SUMF1: variants seen among roughly 807,000 people sequenced by gnomAD.
SUMF1 encodes the protein sulfatase modifying factor 1.
SUMF1 carries 48 observed loss-of-function variants against 47.6 expected under a neutral mutation model. The observed-to-expected ratio is 1.01, with a 90% CI of 0.80 to 1.28. The LOEUF is 1.28. SUMF1 is among the 50% of genes most tolerant of loss of function. The pLI is 0.00. For missense variants in SUMF1, 571 were observed against 485.4 expected (o/e 1.18, Z -1.66); for synonymous variants, 230 against 192.1 (o/e 1.20, Z -1.63).
At chr3:4,176,924 G>A (rs548764409) in intron 8 of SUMF1, among the ~76,000 whole-genome samples, 3 of 152,180 alleles carry the variant, frequency 2.0e-5, no homozygotes, top group African/African-American at 7.2e-5. Flanking sequence ...AACCAACAAA[G>A]ATCAAAAGAG....
At chr3:4,173,211 T>C (rs978195434) in intron 8 of SUMF1, among the ~76,000 whole-genome samples, 10 of 152,210 alleles carry the variant, frequency 6.6e-5, no homozygotes, top group African/African-American at 2.4e-4. Context: ...CATTGCTCTA[T>C]ATATCTCTTT....
At chr3:4,319,951 C>T (rs1187688787) in intron 8 of SUMF1, among the ~76,000 whole-genome samples, 1 of 151,970 alleles carries the variant, frequency 6.6e-6, no homozygotes, top group Non-Finnish European at 1.5e-5. Context: ...CTGGAAAAGA[C>T]AAAACAATAG....
intron 8 of SUMF1, among the ~76,000 whole-genome samples, chr3:4,304,332 G>C (rs966463210): frequency 2.0e-5 from 3 of 152,146 alleles, no homozygotes. Context: ...AGTAGAGACA[G>C]GGTTTCTCCA....
intron 8 of SUMF1, among the ~76,000 whole-genome samples, chr3:4,164,377 C>A (rs901634736): frequency 1.3e-5 from 2 of 152,136 alleles, no homozygotes; most frequent in Non-Finnish European, 2.9e-5. Flanking sequence ...CATGAGCTGG[C>A]GCTTACCCCA....
chr3:4,405,128 G>A (rs181703895), intron 7 of SUMF1, among the ~76,000 whole-genome samples: 1 of 152,164 alleles, frequency 6.6e-6, no homozygotes, highest in African/African-American at 2.4e-5. Flanking sequence ...GAGTTTAGAG[G>A]ATCTAAAAAA....
At chr3:4,347,215 G>A (rs778455701) in intron 8 of SUMF1, among the ~76,000 whole-genome samples, 15 of 152,034 alleles carry the variant, frequency 9.9e-5, no homozygotes, top group Non-Finnish European at 1.9e-4. Context: ...CCAAAACCGG[G>A]AAGAGACACT....
chr3:4,215,325 G>C (rs1479513057), intron 8 of SUMF1, among the ~76,000 whole-genome samples: 2 of 152,062 alleles, frequency 1.3e-5, no homozygotes, highest in African/African-American at 4.8e-5. Context: ...ATGCAGAAAA[G>C]GTCTTCAATA....
chr3:4,195,828 T>C (rs1695415260), intron 8 of SUMF1, among the ~76,000 whole-genome samples: 1 of 152,042 alleles, frequency 6.6e-6, no homozygotes, highest in Admixed American at 6.6e-5. Flanking sequence ...AGAAATAAAC[T>C]AAGAATCCTA....
At chr3:4,046,163 C>A (rs760080612) in intron 9 of SUMF1, among the ~76,000 whole-genome samples, 1 of 152,168 alleles carries the variant, frequency 6.6e-6, no homozygotes, top group Non-Finnish European at 1.5e-5. Context: ...TAGCTCAGGT[C>A]TTACCTAAAT....
intron 8 of SUMF1, among the ~76,000 whole-genome samples, chr3:4,166,896 G>A (rs994943852): frequency 6.6e-6 from 1 of 152,076 alleles, no homozygotes. Flanking sequence ...TGGTTAGAGA[G>A]CCCTTTCCCA....
At chr3:4,269,066 G>T (rs973629503) in intron 8 of SUMF1, among the ~76,000 whole-genome samples, 1 of 151,798 alleles carries the variant, frequency 6.6e-6, no homozygotes, top group African/African-American at 2.4e-5. Flanking sequence ...CATACCTCTG[G>T]AAACACCACC....
chr3:4,048,314 T>G (rs1022291481), intron 9 of SUMF1, among the ~76,000 whole-genome samples: 1 of 152,136 alleles, frequency 6.6e-6, no homozygotes, highest in African/African-American at 2.4e-5. Context: ...TAATAGCATA[T>G]ACGGTATGCA....
At chr3:4,199,355 C>T in intron 8 of SUMF1, among the ~76,000 whole-genome samples, 1 of 152,112 alleles carries the variant, frequency 6.6e-6, no homozygotes, top group Middle Eastern at 3.2e-3. Flanking sequence ...ATTACTTAGA[C>T]CACATTTTAG....
intron 3 of SUMF1, among the ~76,000 whole-genome samples, chr3:4,421,207 G>A (rs182423550): frequency 1.1e-4 from 16 of 152,124 alleles, no homozygotes; most frequent in Non-Finnish European, 8.8e-5. Flanking sequence ...TGCTGTTCAC[G>A]GTGTGACCCT....
At chr3:4,341,977 G>A (rs375658043) in intron 8 of SUMF1, among the ~76,000 whole-genome samples, 1 of 152,134 alleles carries the variant, frequency 6.6e-6, no homozygotes, top group East Asian at 1.9e-4. Context: ...ACTTTAGCAC[G>A]AATCCAATTT....
chr3:4,306,471 T>C (rs1005646479), intron 8 of SUMF1, among the ~76,000 whole-genome samples: 3 of 152,162 alleles, frequency 2.0e-5, no homozygotes, highest in African/African-American at 7.2e-5. Flanking sequence ...TGGGCATAAA[T>C]GAAAATTGGG....
In SUMF1 at chr3:4,157,786, C is replaced by G. The variant is rs567772018; in HGVS notation, c.1015-89041G>C. Among the ~76,000 whole-genome samples, 9 of 151,534 alleles carry G rather than the reference C, an allele frequency of 5.9e-5. 1 individual carries two copies. The South Asian group carries it at 8.3e-4, about 14-fold the overall frequency. ...ACAGACAGGCATCTATTAGTAATTACTTTTATTACAACAGACATAGGCTGT... is the reference window on the plus strand; with the variant it reads ...ACAGACAGGCATCTATTAGTAATTAGTTTTATTACAACAGACATAGGCTGT... On this transcript the variant is annotated intron_variant and NMD_transcript_variant, in intron 8 of 12. Transcript: ENST00000448413.
chr3:4,410,876 T>C lies in SUMF1; in HGVS notation c.943A>G (p.Thr315Ala). Reference sequence around the variant, plus strand: ...TGAATAATACTCACTGGGTTAAGCGTTTCTTCAACAGAATGATGAACAGTC... The same window carrying C: ...TGAATAATACTCACTGGGTTAAGCGCTTCTTCAACAGAATGATGAACAGTC... ...WWTVHHSVEE[T>A]LNPKGPPSGK... The change falls in exon 7 of 9, where the codon ACG becomes GCG. Residue 315 changes from threonine to alanine, a missense_variant. Physicochemically the swap from Thr to Ala is moderately conservative, Grantham distance 58. Transcript: ENST00000272902. 1 of 1,613,920 alleles carries C rather than the reference T, an allele frequency of 6.2e-7. No individual in the cohort carries two copies. Among genetic ancestry groups the C allele is most frequent in the South Asian group, 1.1e-5 (1 of 91,076 alleles).
intron 1 of SUMF1, among the ~76,000 whole-genome samples, chr3:4,464,946 C>G (rs577126453): frequency 6.6e-6 from 1 of 152,156 alleles, no homozygotes; most frequent in African/African-American, 2.4e-5. Context: ...AGTCAAGACA[C>G]AAAACCACTC....
Sources: allele counts gnomAD v4.1 joint callset (sites outside exome capture counted in the v4.1 genomes callset), GRCh38; gene constraint gnomAD v4.1.1; transcripts MANE v1.5; gene names NCBI Gene and HGNC (gene_info 2026-07-23, HGNC 2026-07-21).